Variants in NOP58 observed in about 807,000 individuals in gnomAD.
NOP58 encodes NOP58 ribonucleoprotein, also known as nucleolar protein 58.
Under a neutral mutation model 71.2 loss-of-function variants are expected in NOP58, and 44 were observed. The observed-to-expected ratio is 0.62, with a 90% confidence interval of 0.49 to 0.79. The LOEUF is 0.79. NOP58 is among the 30% of genes least tolerant of loss of function. The pLI is 0.00. For synonymous variants in NOP58, 228 were observed against 200.3 expected, an observed-to-expected ratio of 1.14 and a Z score of -1.17; for missense variants, 538 against 620.2, an observed-to-expected ratio of 0.87 and a Z score of 1.41.
At chr2:202,288,783 C>T (rs1191744662) in intron 6 of NOP58, among the ~76,000 whole-genome samples, 1 of 151,804 alleles carries the variant, frequency 6.6e-6, no homozygotes, top group East Asian at 1.9e-4. Context: ...CCATTTCACT[C>T]TAGCTTGGAC....
At chr2:202,291,756 G>A (rs1258192589) in intron 8 of NOP58, among the ~76,000 whole-genome samples, 6 of 131,308 alleles carry the variant, frequency 4.6e-5, no homozygotes, top group Non-Finnish European at 9.2e-5. Flanking sequence ...GCAGTGAGCC[G>A]AGATGGCACC....
At chr2:202,276,470 C>T (rs1559260532) in intron 2 of NOP58, 1 of 515,814 alleles carries the variant, frequency 1.9e-6, no homozygotes, top group Non-Finnish European at 3.9e-6. Flanking sequence ...GGAACTGAAT[C>T]TAAGTGATCT....
At chr2:202,268,186 C>T (rs1688448465) in intron 1 of NOP58, among the ~76,000 whole-genome samples, 1 of 152,208 alleles carries the variant, frequency 6.6e-6, no homozygotes, top group East Asian at 1.9e-4. Context: ...AGTAGACATA[C>T]GGTTCAAAGT....
intron 9 of NOP58, among the ~76,000 whole-genome samples, chr2:202,293,471 C>A (rs965105477): frequency 6.6e-6 from 1 of 152,150 alleles, no homozygotes; most frequent in African/African-American, 2.4e-5. Context: ...TAATTGAATA[C>A]CTACAAATAC....
chr2:202,267,924 G>A (rs541983007), intron 1 of NOP58, among the ~76,000 whole-genome samples: 1 of 152,236 alleles, frequency 6.6e-6, no homozygotes, highest in South Asian at 2.1e-4. Flanking sequence ...ATTAAATTGT[G>A]GTTTATGTAA....
intron 9 of NOP58, among the ~76,000 whole-genome samples, chr2:202,293,680 C>T (rs1426588030): frequency 6.6e-6 from 1 of 152,144 alleles, no homozygotes; most frequent in African/African-American, 2.4e-5. Context: ...AAGCAATTCT[C>T]CTGCCTCAGG....
At chr2:202,282,585 TC>T in intron 4 of NOP58, 113 bp downstream of exon 4, 1 of 1,090,938 alleles carries the variant, frequency 9.2e-7, no homozygotes, top group South Asian at 1.9e-5. Flanking sequence ...TACATTTTTT[TC>T]TTTTCTCTAA....
At chr2:202,297,731 CAA>C (rs1689016879) in intron 11 of NOP58, 112 bp from the exon 12 acceptor site, 1 of 810,218 alleles carries the variant, frequency 1.2e-6, no homozygotes, top group African/African-American at 1.7e-5. Flanking sequence ...AATAACAAAA[CAA>C]AAAATAGCAG....
intron 12 of NOP58, among the ~76,000 whole-genome samples, chr2:202,298,814 G>A (rs1689039645): frequency 6.6e-6 from 1 of 152,112 alleles, no homozygotes; most frequent in South Asian, 2.1e-4. Context: ...GCTCAATGCT[G>A]GTGAGGTTGT....
Position 202,278,239 on chromosome 2 carries a change from G to A in NOP58, c.175+237G>A, listed in dbSNP as rs779906526. On this transcript the variant is annotated intron_variant, in intron 3 of 14. Coordinates refer to ENST00000264279, the MANE Select transcript of NOP58 (RefSeq NM_015934.5). ...CTGGTTTTCCCCATGTGTGAGGAGA[G>A]GTGAGAAGTGGTTAAGTTGATCTCC... The A allele has an allele frequency of 6.6e-6, 4 of 603,826 alleles. 1 individual carries two copies. The highest frequency in any genetic ancestry group is 1.5e-5 in the South Asian group (1 of 66,286). The allele number at this position is 603,826 out of a possible 1,614,324, so 37.4% of individuals were successfully genotyped here.
intron 4 of NOP58, 66 bp from the exon 5 acceptor site, chr2:202,284,279 T>C: frequency 7.4e-7 from 1 of 1,357,476 alleles, no homozygotes; most frequent in Non-Finnish European, 1.0e-6. Context: ...TCTCAAAAAA[T>C]AATAATAACA....
intron 1 of NOP58, among the ~76,000 whole-genome samples, chr2:202,274,012 C>T (rs372297616): frequency 3.3e-5 from 5 of 151,346 alleles, no homozygotes; most frequent in Admixed American, 6.6e-5. Context: ...CACAGACATT[C>T]AAAGTCTTGG....
intron 1 of NOP58, among the ~76,000 whole-genome samples, chr2:202,272,355 C>A (rs1433584541): frequency 6.6e-6 from 1 of 151,748 alleles, no homozygotes; most frequent in African/African-American, 2.4e-5. Flanking sequence ...GGGGTTTCAC[C>A]GTGTTAGCTA....
Position 202,282,411 on chromosome 2 carries a change from T to G in NOP58, c.236T>G (p.Ile79Arg). The change falls in exon 4 of 15, where the codon ATA becomes AGA. Residue 79 changes from isoleucine (I) to arginine (R), a missense_variant. Physicochemically the swap from Ile to Arg is moderately conservative, Grantham distance 97. Transcript: ENST00000264279. ...NKQLKKVLKK[I>R]VKEAHEPLAV... ...CAGCTGAAAAAAGTTCTGAAGAAAA[T>G]AGTAAAAGAAGCCCATGAACCGCTG... 6.2e-7 allele frequency: 1 copy of G among 1,613,418 alleles called. No homozygotes were observed.
Position 202,297,846 on chromosome 2 carries a change from TAAG to T in NOP58, c.1211_1213del (p.Arg404del). On this transcript the variant is annotated inframe_deletion and splice_region_variant, in exon 12 of 15. Coordinates refer to ENST00000264279, the MANE Select transcript of NOP58 (RefSeq NM_015934.5). ...TGTAATTTTTCGTTTTCTTCTTAGA[TAAG>T]AAAAATAAGTGGAACAGGAAAAGCA... The T allele has an allele frequency of 3.9e-6, 6 of 1,550,116 alleles. No homozygotes were observed. The highest frequency in any genetic ancestry group is 5.3e-6 in the Non-Finnish European group (6 of 1,137,232).
chr2:202,279,735 A>G (rs1181238506), intron 3 of NOP58, among the ~76,000 whole-genome samples: 3 of 152,238 alleles, frequency 2.0e-5, no homozygotes, highest in Non-Finnish European at 4.4e-5. Context: ...CAGAGATAGC[A>G]CTGAGCCAAG....
At chr2:202,282,100 G>T (rs1688716236) in intron 3 of NOP58, among the ~76,000 whole-genome samples, 1 of 152,174 alleles carries the variant, frequency 6.6e-6, no homozygotes, top group African/African-American at 2.4e-5. Flanking sequence ...TTCATGAGAA[G>T]ATTCTTGTGA....
chr2:202,272,563 G>C (rs192090753), intron 1 of NOP58, among the ~76,000 whole-genome samples: 31 of 152,200 alleles, frequency 2.0e-4, no homozygotes, highest in African/African-American at 6.5e-4. Context: ...GCCTAGAGTT[G>C]GTATTAACAA....
chr2:202,275,236 T>A, intron 2 of NOP58, 47 bp downstream of exon 2: 1 of 949,556 alleles, frequency 1.1e-6, no homozygotes, highest in Non-Finnish European at 1.6e-6. Context: ...ATTTAGGGCT[T>A]GTTTTATTTT....
Sources: allele counts gnomAD v4.1 joint callset (sites outside exome capture counted in the v4.1 genomes callset), GRCh38; gene constraint gnomAD v4.1.1; transcripts MANE v1.5; gene names NCBI Gene and HGNC (gene_info 2026-07-23, HGNC 2026-07-21).